Variants in TMEM8B observed in about 807,000 individuals in gnomAD.
TMEM8B encodes nasopharyngeal carcinoma expressed 6.
TMEM8B carries 29 observed loss-of-function variants against 49.3 expected under a neutral mutation model. That is an observed-to-expected ratio of 0.59 (90% CI 0.44 to 0.80). The LOEUF is 0.80. Among genes scored for constraint, TMEM8B ranks in the 30% least tolerant of loss-of-function variants. TMEM8B has a pLI of 0.00. For synonymous variants in TMEM8B, 264 were observed against 272.8 expected (o/e 0.97, Z 0.32); for missense variants, 575 against 658.5 (o/e 0.87, Z 1.39).
rs1413730654 is a variant in TMEM8B at position 35,851,434 on chromosome 9, C to G, written c.2176-1393C>G. ...TGCTGGGATTAACAGGCGTGAGCCACTGCACCCAACCTAAAAAAATTCATT... is the reference window on the plus strand; with the variant it reads ...TGCTGGGATTAACAGGCGTGAGCCAGTGCACCCAACCTAAAAAAATTCATT... On this transcript the variant is annotated intron_variant, in intron 10 of 12. Transcript: ENST00000643932. 7.9e-5 allele frequency among the ~76,000 whole-genome samples: 12 copies of G among 152,374 alleles called. No individual in the cohort carries two copies. In the East Asian group the frequency reaches 2.1e-3, roughly 27 times the overall value.
At chr9:35,847,658 C>T (rs1831738958) in intron 10 of TMEM8B, among the ~76,000 whole-genome samples, 1 of 152,176 alleles carries the variant, frequency 6.6e-6, no homozygotes, top group Non-Finnish European at 1.5e-5. Context: ...TGTCCTGAGG[C>T]ATTGTCGGAA....
chr9:35,830,004 G>C (rs954321214), intron 1 of TMEM8B, 49 bp downstream of exon 1: 4 of 414,574 alleles, frequency 9.6e-6, no homozygotes, highest in Non-Finnish European at 1.8e-5. Context: ...GTTCCGGCAG[G>C]GAGGGGTGGG....
rs1225887497 is a variant in TMEM8B, at chr9:35,829,848, CT to C, written c.402del (p.Ile135SerfsTer40). 3 of 416,302 alleles carry C rather than the reference CT, an allele frequency of 7.2e-6. No individual in the cohort carries two copies. The highest frequency in any genetic ancestry group is 2.1e-5 in the African/African-American group (1 of 48,712). The allele number at this position is 416,302 out of a possible 1,614,324, so 25.8% of individuals were successfully genotyped here. A position where few individuals can be genotyped will look rare whatever the true frequency, so the allele number is the denominator to read the frequency against. Reference protein sequence around the residue: ...CLPKSLPLVPPISHTLPLSQP... With the variant: ...CLPKSLPLVPXISHTLPLSQP... ...CCCAAGTCTCTCCCTCTAGTCCCCC[CT>C]ATCTCTCATACTCTGCCCCTCTCCC... is the stretch of plus-strand genomic sequence containing the variant. On this transcript the variant is annotated frameshift_variant, in exon 1 of 13. Transcript: ENST00000643932. LOFTEE classifies it high-confidence loss of function.
In TMEM8B at chr9:35,842,361, G is replaced by A. The variant is rs1283771710; in HGVS notation, c.1310-31G>A. On this transcript the variant is annotated intron_variant, in intron 5 of 12. Coordinates refer to ENST00000643932, the MANE Select transcript of TMEM8B (RefSeq NM_001042590.4). The surrounding 1 kb of genome is among the most constrained non-coding windows in gnomAD (Gnocchi z 5.6). Reference sequence around the variant, plus strand: ...TAAGTTCAGGACTGTAAAGGCTGCAGGCCCAAGCTCTGGTTTCCTCTGCCC... The same window carrying A: ...TAAGTTCAGGACTGTAAAGGCTGCAAGCCCAAGCTCTGGTTTCCTCTGCCC... 7 of 1,463,346 alleles carry A rather than the reference G, an allele frequency of 4.8e-6. No homozygotes were observed. The highest frequency in any genetic ancestry group is 6.4e-6 in the Non-Finnish European group (7 of 1,099,746). The allele number at this position is 1,463,346 out of a possible 1,614,324, so 90.6% of individuals were successfully genotyped here.
rs1832312536 is a variant in TMEM8B at position 35,853,212 on chromosome 9, G to A, written c.2394G>A (p.Leu798=). ...LQLDRHGLWN[L]LGPSLFALGI... ...TTGACCGACATGGACTCTGGAACCT[G>A]CTTGGACCCAGTCTCTTCGCCCTGG... Residue 798 remains leucine, a synonymous_variant, in exon 12 of 13, where the codon CTG becomes CTA. Transcript: ENST00000643932. This position sits in a 1 kb window ranked among gnomAD's most constrained non-coding sequence, Gnocchi z 4.2. The A allele has an allele frequency of 6.2e-7, 1 of 1,614,026 alleles. No homozygotes were observed. Among genetic ancestry groups the A allele is most frequent in the African/African-American group, 1.3e-5 (1 of 74,910 alleles).
chr9:35,829,291 G>T lies in TMEM8B; in HGVS notation c.-157G>T. 2.7e-6 allele frequency: 1 copy of T among 363,776 alleles called. No individual in the cohort carries two copies. Among genetic ancestry groups the T allele is most frequent in the Non-Finnish European group, 4.9e-6 (1 of 203,034 alleles). 22.5% of individuals were successfully genotyped at this position (363,776 alleles called of 1,614,324 possible). On this transcript the variant is annotated 5_prime_UTR_variant, in exon 1 of 13. Coordinates refer to ENST00000643932, the MANE Select transcript of TMEM8B (RefSeq NM_001042590.4). ...GTTATCGCCGGTTCAGCGCAGCCCG[G>T]AGTCGCCCAGGCCTGAACTCCTACC...
rs1275524316 is a variant in TMEM8B at position 35,829,740 on chromosome 9, C to T, written c.293C>T (p.Ser98Phe). ...TCCCCATCACAGCCCTTCCTTCCATCCCACTCCCTGCCCTTGTTCAAGCCC... is the reference window on the plus strand; with the variant it reads ...TCCCCATCACAGCCCTTCCTTCCATTCCACTCCCTGCCCTTGTTCAAGCCC... The part of the protein sequence containing the change: ...LQSPSQPFLP[S>F]HSLPLFKPQC... Residue 98 changes from serine to phenylalanine, a missense_variant, in exon 1 of 13, where the codon TCC becomes TTC. Physicochemically the swap from Ser to Phe is radical, Grantham distance 155. Transcript: ENST00000643932. 2.4e-6 allele frequency: 1 copy of T among 411,892 alleles called. No individual in the cohort carries two copies. Among genetic ancestry groups the T allele is most frequent in the Non-Finnish European group, 4.4e-6 (1 of 227,608 alleles). 25.5% of individuals were successfully genotyped at this position (411,892 alleles called of 1,614,324 possible).
At chr9:35,836,409 A>G (rs1480620635) in intron 3 of TMEM8B, among the ~76,000 whole-genome samples, 1 of 152,210 alleles carries the variant, frequency 6.6e-6, no homozygotes, top group Non-Finnish European at 1.5e-5. Context: ...CAAAATCCCA[A>G]CAGGGATGTT....
chr9:35,848,914 C>T (rs968166385), intron 10 of TMEM8B, among the ~76,000 whole-genome samples: 2 of 152,058 alleles, frequency 1.3e-5, no homozygotes, highest in Non-Finnish European at 2.9e-5. Flanking sequence ...ACCTCGTGAA[C>T]CACCCACCTT....
intron 1 of TMEM8B, among the ~76,000 whole-genome samples, chr9:35,832,195 G>GTGTGTGTGTA (rs1554679522): frequency 7.2e-6 from 1 of 138,382 alleles, no homozygotes; most frequent in African/African-American, 2.7e-5. Context: ...GTGTGTGTGT[G>GTGTGTGTGTA]TGTGTATGTG....
At chr9:35,830,393 A>AT (rs1829753113) in intron 1 of TMEM8B, among the ~76,000 whole-genome samples, 1 of 152,214 alleles carries the variant, frequency 6.6e-6, no homozygotes, top group Non-Finnish European at 1.5e-5. Flanking sequence ...TTTAAAGATA[A>AT]TATGTAGCAA....
At chr9:35,831,365 AT>A (rs1381096956) in intron 1 of TMEM8B, among the ~76,000 whole-genome samples, 12 of 152,192 alleles carry the variant, frequency 7.9e-5, no homozygotes, top group Non-Finnish European at 1.3e-4. Context: ...ATATGGACAG[AT>A]CACTGAAGCT....
At chr9:35,850,977 A>G (rs772308024) in intron 10 of TMEM8B, among the ~76,000 whole-genome samples, 2 of 152,204 alleles carry the variant, frequency 1.3e-5, no homozygotes, top group Non-Finnish European at 2.9e-5. Context: ...TCAATTTCCT[A>G]TAGCTAAAAT....
At chr9:35,837,224 C>T (rs1190514132) in intron 3 of TMEM8B, among the ~76,000 whole-genome samples, 5 of 152,164 alleles carry the variant, frequency 3.3e-5, no homozygotes, top group Non-Finnish European at 7.4e-5. Flanking sequence ...GGGATGAGCT[C>T]AGATCTCCCT....
chr9:35,854,030 C>A lies in TMEM8B; in HGVS notation c.*190C>A. 1 of 1,317,878 alleles carries A rather than the reference C, an allele frequency of 7.6e-7. No homozygotes were observed. The highest frequency in any genetic ancestry group is 9.6e-7 in the Non-Finnish European group (1 of 1,039,042). 81.6% of individuals were successfully genotyped at this position (1,317,878 alleles called of 1,614,324 possible). The stretch of plus-strand genomic sequence containing the variant: ...GGAGAACTTCCTGAGGGCCTGGAGT[C>A]CCCCTGCATCATGGAGTCCTTCTTA... On this transcript the variant is annotated 3_prime_UTR_variant, in exon 13 of 13. Coordinates refer to ENST00000643932, the MANE Select transcript of TMEM8B (RefSeq NM_001042590.4).
chr9:35,846,459 TTG>T lies in TMEM8B; in HGVS notation c.1854-7_1854-6del. 6.3e-7 allele frequency: 1 copy of T among 1,597,864 alleles called. No individual in the cohort carries two copies. On this transcript the variant is annotated splice_polypyrimidine_tract_variant and splice_region_variant and intron_variant, in intron 8 of 12. Transcript: ENST00000643932. ...CCCGGGGCCCCAGGTGACTGCGAGT[TTG>T]TGCGCAGGTTCGTGCGGTGCCGCAA...
chr9:35,853,000 C>G (rs373210657), intron 11 of TMEM8B, 27 bp downstream of exon 11: 22 of 1,613,734 alleles, frequency 1.4e-5, no homozygotes, highest in Non-Finnish European at 1.7e-5. Flanking sequence ...CCCTGGGGAA[C>G]AACCATGGCC....
At position 35,841,186 on chromosome 9, in the gene TMEM8B, G is replaced by A. The variant is rs1489435217; in HGVS notation, c.959G>A (p.Arg320His). Residue 320 changes from arginine (R) to histidine (H), a missense_variant, in exon 4 of 13, where the codon CGT becomes CAT. Arg to His is a conservative substitution (Grantham distance 29). Transcript: ENST00000643932. The surrounding 1 kb of genome is among the most constrained non-coding windows in gnomAD (Gnocchi z 5.9). Reference sequence around the variant, plus strand: ...CTTCAGCCGCAGCTGATTGTCCGGCGTTTGCTGGACGTCGCTGTGCTGGTT... The same window carrying A: ...CTTCAGCCGCAGCTGATTGTCCGGCATTTGCTGGACGTCGCTGTGCTGGTT... ...YLLQPQLIVR[R>H]LLDVAVLVPG... The A allele has an allele frequency of 2.9e-5, 12 of 415,882 alleles. No individual in the cohort carries two copies. The highest frequency in any genetic ancestry group is 2.1e-4 in the East Asian group (6 of 28,096). 25.8% of individuals were successfully genotyped at this position (415,882 alleles called of 1,614,324 possible).
chr9:35,851,053 A>C (rs1372208907), intron 10 of TMEM8B, among the ~76,000 whole-genome samples: 1 of 152,212 alleles, frequency 6.6e-6, no homozygotes, highest in Non-Finnish European at 1.5e-5. Flanking sequence ...AGCACATACA[A>C]ATAGTTGAAA....
Sources: gnomAD v4.1 joint callset for allele counts (sites outside exome capture counted in the v4.1 genomes callset) on GRCh38, gnomAD v4.1.1 for gene constraint, Gnocchi (gnomAD v3.1) non-coding constraint, MANE v1.5 for transcripts, NCBI Gene and HGNC (gene_info 2026-07-23, HGNC 2026-07-21) for gene names.